The following GRM8 variants were observed in gnomAD, a reference collection of about 807,000 sequenced individuals.
GRM8 encodes glutamate metabotropic receptor 8, also known as metabotropic glutamate receptor 8.
GRM8 carries 47 observed loss-of-function variants against 87.2 expected under a neutral mutation model. The ratio of observed to expected loss-of-function variants is 0.54; its 90% confidence interval spans 0.43 to 0.69. GRM8 has a LOEUF of 0.69. Among genes scored for constraint, GRM8 ranks in the 30% least tolerant of loss-of-function variants. The pLI is 0.00. For missense variants in GRM8, 1,019 were observed against 1,139.2 expected (o/e 0.89, Z 1.52); for synonymous variants, 396 against 404.5 (o/e 0.98, Z 0.25).
intron 3 of GRM8, among the ~76,000 whole-genome samples, chr7:127,070,540 A>G (rs1406832165): frequency 6.6e-6 from 1 of 152,086 alleles, no homozygotes; most frequent in Non-Finnish European, 1.5e-5. Context: ...ACCTTGTCCA[A>G]GCAAAGACGC....
intron 2 of GRM8, among the ~76,000 whole-genome samples, chr7:127,237,277 T>C (rs762240797): frequency 6.6e-6 from 1 of 152,206 alleles, no homozygotes; most frequent in African/African-American, 2.4e-5. Context: ...TATTCCATTA[T>C]CTATTGCCAT....
intron 6 of GRM8, among the ~76,000 whole-genome samples, chr7:126,815,183 G>C (rs149558103): frequency 6.6e-6 from 1 of 151,968 alleles, no homozygotes; most frequent in African/African-American, 2.4e-5. Context: ...TGTCCAGTTC[G>C]TGACAAAAAT....
chr7:126,628,335 G>A (rs1017151961), intron 7 of GRM8, among the ~76,000 whole-genome samples: 5 of 152,174 alleles, frequency 3.3e-5, no homozygotes, highest in African/African-American at 4.8e-5. Context: ...GTGAGCCACT[G>A]TGCCCAGCCT....
At chr7:126,552,551 A>G (rs1169245746) in intron 8 of GRM8, among the ~76,000 whole-genome samples, 1 of 152,146 alleles carries the variant, frequency 6.6e-6, no homozygotes, top group African/African-American at 2.4e-5. Flanking sequence ...CCATTTCTAT[A>G]TACTTTCTCT....
intron 7 of GRM8, among the ~76,000 whole-genome samples, chr7:126,694,057 C>T (rs1202303874): frequency 6.6e-6 from 1 of 151,690 alleles, no homozygotes; most frequent in African/African-American, 2.4e-5. Flanking sequence ...ATATTTGAGG[C>T]AAATATTTCT....
chr7:126,519,791 A>AT (rs997324802), intron 9 of GRM8, among the ~76,000 whole-genome samples: 8 of 152,236 alleles, frequency 5.3e-5, no homozygotes, highest in African/African-American at 1.9e-4. Flanking sequence ...GTAGCTAGCA[A>AT]TTTTTTTCTA....
intron 7 of GRM8, among the ~76,000 whole-genome samples, chr7:126,620,116 C>T (rs908360997): frequency 1.3e-5 from 2 of 152,052 alleles, no homozygotes; most frequent in Admixed American, 6.6e-5. Flanking sequence ...ACAGTGAGAC[C>T]CCCATCTCTA....
chr7:126,763,846 A>T (rs1220629184), intron 7 of GRM8, among the ~76,000 whole-genome samples: 1 of 151,972 alleles, frequency 6.6e-6, no homozygotes, highest in Admixed American at 6.6e-5. Flanking sequence ...ATTCAGAAAG[A>T]ATTAATGTTT....
intron 2 of GRM8, among the ~76,000 whole-genome samples, chr7:127,152,410 C>G (rs373018968): frequency 6.6e-6 from 1 of 151,978 alleles, no homozygotes; most frequent in Admixed American, 6.6e-5. Context: ...GTGAAGGTAG[C>G]AAAGTGAGAA....
intron 7 of GRM8, among the ~76,000 whole-genome samples, chr7:126,644,663 GCTTT>G (rs1802842817): frequency 6.6e-6 from 1 of 152,156 alleles, no homozygotes; most frequent in South Asian, 2.1e-4. Flanking sequence ...ATTTCCAAAT[GCTTT>G]CTAATTCCCA....
intron 10 of GRM8, among the ~76,000 whole-genome samples, chr7:126,441,088 G>A (rs907306212): frequency 6.6e-6 from 1 of 152,002 alleles, no homozygotes; most frequent in Non-Finnish European, 1.5e-5. Flanking sequence ...AGAGGCTGAT[G>A]TAATGACCAA....
chr7:127,123,248 T>C lies in GRM8; in HGVS notation c.511-16536A>G, dbSNP rs28951995. On this transcript the variant is annotated intron_variant, in intron 2 of 10. Transcript: ENST00000339582. ...TCACAATCAAACATGTCTGTGCCTA[T>C]ACAACTGCTACGGTTTGAATGTTTG... 4.1e-4 allele frequency among the ~76,000 whole-genome samples: 63 copies of C among 152,278 alleles called. No individual in the cohort carries two copies. In the East Asian group the frequency reaches 4.2e-3, roughly 10 times the overall value.
intron 6 of GRM8, among the ~76,000 whole-genome samples, chr7:126,802,464 T>C (rs1397024155): frequency 2.0e-5 from 3 of 152,082 alleles, no homozygotes; most frequent in East Asian, 1.9e-4. Flanking sequence ...TTTACTAACC[T>C]AAGTGTTCAT....
chr7:126,804,749 A>G (rs1792489179), intron 6 of GRM8, among the ~76,000 whole-genome samples: 1 of 152,354 alleles, frequency 6.6e-6, no homozygotes, highest in Admixed American at 6.5e-5. Flanking sequence ...GGTAGTTGGT[A>G]TGCCTCTGTA....
At chr7:127,216,517 C>CAAAAA (rs58730624) in intron 2 of GRM8, among the ~76,000 whole-genome samples, 2,406 of 62,866 alleles carry the variant, frequency 0.038, 178 homozygotes, top group Non-Finnish European at 0.058. Context: ...GACTCCGTCT[C>CAAAAA]AAAAAAAAAA....
At position 126,685,128 on chromosome 7, in the gene GRM8, C is replaced by T. The variant is rs527428361; in HGVS notation, c.1358-75630G>A. 6.6e-6 allele frequency among the ~76,000 whole-genome samples: 1 copy of T among 152,338 alleles called. No individual in the cohort carries two copies. Among genetic ancestry groups the T allele is most frequent in the African/African-American group, 2.4e-5 (1 of 41,574 alleles). On this transcript the variant is annotated intron_variant, in intron 7 of 10. Transcript: ENST00000339582. The surrounding 1 kb of genome is among the most constrained non-coding windows in gnomAD (Gnocchi z 4.2). ...GTACCCACTCCAGGCCCCGGCCCCG[C>T]TTGCCACTCTTGACAGCCACTGCTA...
intron 3 of GRM8, among the ~76,000 whole-genome samples, chr7:126,962,854 G>A (rs771307187): frequency 1.1e-4 from 17 of 152,224 alleles, no homozygotes; most frequent in African/African-American, 1.7e-4. Flanking sequence ...GCACTTACCC[G>A]CAGAAACTAA....
At chr7:126,711,450 G>C (rs1188792228) in intron 7 of GRM8, among the ~76,000 whole-genome samples, 2 of 152,126 alleles carry the variant, frequency 1.3e-5, no homozygotes, top group Non-Finnish European at 2.9e-5. Context: ...TATCAACTAG[G>C]CATTGTTTGC....
chr7:126,483,928 T>C (rs1397106021), intron 9 of GRM8, among the ~76,000 whole-genome samples: 1 of 151,952 alleles, frequency 6.6e-6, no homozygotes, highest in African/African-American at 2.4e-5. Flanking sequence ...ACATGTTATC[T>C]GTTAATCAAA....
Sources: gnomAD v4.1 joint callset for allele counts (sites outside exome capture counted in the v4.1 genomes callset) on GRCh38, gnomAD v4.1.1 for gene constraint, Gnocchi (gnomAD v3.1) non-coding constraint, MANE v1.5 for transcripts, NCBI Gene and HGNC (gene_info 2026-07-23, HGNC 2026-07-21) for gene names.